The following SCAF4 variants were observed in gnomAD, a reference collection of about 807,000 sequenced individuals.
SCAF4 encodes SR-related and CTD-associated factor 4.
SCAF4 carries 25 observed loss-of-function variants against 129.8 expected under a neutral mutation model. That is an observed-to-expected ratio of 0.19 (90% confidence interval 0.14 to 0.27). SCAF4 has a LOEUF of 0.27. Ranked by LOEUF, SCAF4 falls within the 10% of genes least tolerant of loss-of-function variation. SCAF4 has a pLI of 1.00. For synonymous variants in SCAF4, 551 were observed against 497.7 expected (o/e 1.11, Z -1.43); for missense variants, 1,246 against 1,457.1 (o/e 0.86, Z 2.36).
intron 19 of SCAF4, among the ~76,000 whole-genome samples, chr21:31,674,167 A>T (rs750286532): frequency 1.3e-5 from 2 of 152,190 alleles, no homozygotes; most frequent in African/African-American, 2.4e-5. Flanking sequence ...CTTTGTACAG[A>T]AGAGAGAAAA....
Position 31,678,024 on chromosome 21 carries a change from GTC to G in SCAF4, c.2489-5672_2489-5671del, listed in dbSNP as rs2049902671. ...TAGCTGCCAAATGCTGAAGAATTTTGTCCTCAGACCTCTCACCACTTCTCTAT... is the reference window on the plus strand; with the variant it reads ...TAGCTGCCAAATGCTGAAGAATTTTGCTCAGACCTCTCACCACTTCTCTAT... On this transcript the variant is annotated intron_variant, in intron 19 of 19. Coordinates refer to ENST00000286835, the MANE Select transcript of SCAF4 (RefSeq NM_020706.2). Among the ~76,000 whole-genome samples the G allele has an allele frequency of 1.8e-4, 28 of 152,222 alleles. No individual in the cohort carries two copies. In the South Asian group the frequency reaches 5.6e-3, roughly 30 times the overall value.
intron 19 of SCAF4, among the ~76,000 whole-genome samples, chr21:31,679,144 A>G (rs2049938014): frequency 1.3e-5 from 2 of 152,166 alleles, no homozygotes; most frequent in South Asian, 4.1e-4. Context: ...GAACTTTGAG[A>G]AAGGATGTTT....
Position 31,707,527 on chromosome 21 carries a change from A to C in SCAF4, c.31-1170T>G, listed in dbSNP as rs539062163. Among the ~76,000 whole-genome samples, 413 of 152,348 alleles carry C rather than the reference A, an allele frequency of 2.7e-3. 1 individual carries two copies. Among genetic ancestry groups the C allele is most frequent in the African/African-American group, 9.3e-3 (386 of 41,570 alleles). On this transcript the variant is annotated intron_variant, in intron 1 of 19. Transcript: ENST00000286835. ...AGATAAAATCCTGACATTAAGAAACATATCTACCTTCTTAAATTATTGTTT... is the reference window on the plus strand; with the variant it reads ...AGATAAAATCCTGACATTAAGAAACCTATCTACCTTCTTAAATTATTGTTT...
At chr21:31,731,615 C>A (rs1160619268) in intron 1 of SCAF4, 48 bp downstream of exon 1, 3 of 1,576,076 alleles carry the variant, frequency 1.9e-6, no homozygotes, top group Non-Finnish European at 2.6e-6. Context: ...AAACGAGCCC[C>A]GGCTCCCGCA....
intron 12 of SCAF4, among the ~76,000 whole-genome samples, chr21:31,692,689 G>T (rs963236273): frequency 6.6e-6 from 1 of 152,148 alleles, no homozygotes; most frequent in African/African-American, 2.4e-5. Flanking sequence ...TTTTGTAGAT[G>T]GATCTAAAGA....
intron 1 of SCAF4, among the ~76,000 whole-genome samples, chr21:31,721,062 G>A (rs1424755758): frequency 6.6e-6 from 1 of 152,090 alleles, no homozygotes; most frequent in African/African-American, 2.4e-5. Context: ...ATATATTCAA[G>A]AGTTGTGCAC....
chr21:31,692,243 T>A, intron 13 of SCAF4, 106 bp downstream of exon 13: 1 of 775,764 alleles, frequency 1.3e-6, no homozygotes, highest in African/African-American at 1.7e-5. Flanking sequence ...TCTAGTCACA[T>A]CTATAAACCT....
chr21:31,719,075 G>A (rs539700133), intron 1 of SCAF4, among the ~76,000 whole-genome samples: 1 of 152,308 alleles, frequency 6.6e-6, no homozygotes, highest in Admixed American at 6.5e-5. Flanking sequence ...CAGATCGCCT[G>A]AGGTCAGGAG....
rs373346488 is a variant in SCAF4, at chr21:31,671,438, G to A, written c.3405C>T (p.Pro1135=). The A allele has an allele frequency of 4.3e-6, 7 of 1,613,890 alleles. No homozygotes were observed. Among genetic ancestry groups the A allele is most frequent in the Non-Finnish European group, 5.9e-6 (7 of 1,179,912 alleles). Residue 1135 remains proline (P), a synonymous_variant, in exon 20 of 20, where the codon CCC becomes CCT. Transcript: ENST00000286835. ...CTGCTGCTGAGCCAGAATCCTTTTC[G>A]GGTTCAACGGATGAGGTAGCCTCAG... ...LPAEATSSVE[P]EKDSGSAAEA...
At chr21:31,676,023 G>A (rs1016564043) in intron 19 of SCAF4, among the ~76,000 whole-genome samples, 6 of 152,188 alleles carry the variant, frequency 3.9e-5, no homozygotes, top group African/African-American at 7.2e-5. Context: ...CAGAGTGTAC[G>A]CAGTCAGGGA....
chr21:31,723,895 A>G (rs1648078646), intron 1 of SCAF4, among the ~76,000 whole-genome samples: 1 of 152,040 alleles, frequency 6.6e-6, no homozygotes, highest in Admixed American at 6.5e-5. Context: ...ATGGCCATCC[A>G]CCTTTCACTG....
At position 31,731,652 on chromosome 21, in the gene SCAF4, A is replaced by G; in HGVS notation, c.30+11T>C. ...CAGGCCCGGCACCCCCCTGCCCCAA[A>G]CACCCCTTACCTCCTGGTTGAAGGC... On this transcript the variant is annotated intron_variant, in intron 1 of 19. Coordinates refer to ENST00000286835, the MANE Select transcript of SCAF4 (RefSeq NM_020706.2). The G allele has an allele frequency of 6.3e-7, 1 of 1,589,332 alleles. No individual in the cohort carries two copies. Among genetic ancestry groups the G allele is most frequent in the African/African-American group, 1.4e-5 (1 of 72,282 alleles).
At chr21:31,698,459 T>C (rs1334672230) in intron 7 of SCAF4, among the ~76,000 whole-genome samples, 1 of 152,220 alleles carries the variant, frequency 6.6e-6, no homozygotes, top group Non-Finnish European at 1.5e-5. Flanking sequence ...GACATAGAAA[T>C]GTACAGAGTT....
Position 31,676,944 on chromosome 21 carries a change from C to A in SCAF4, c.2489-4590G>T, listed in dbSNP as rs563180342. Reference sequence around the variant, plus strand: ...TATTAACATTCTGTATAAATGGAATCATAAAATATGTGGTCCTGTGTGACT... The same window carrying A: ...TATTAACATTCTGTATAAATGGAATAATAAAATATGTGGTCCTGTGTGACT... On this transcript the variant is annotated intron_variant, in intron 19 of 19. Coordinates refer to ENST00000286835, the MANE Select transcript of SCAF4 (RefSeq NM_020706.2). Among the ~76,000 whole-genome samples the A allele has an allele frequency of 4.6e-5, 7 of 152,238 alleles. No individual in the cohort carries two copies. The South Asian group carries it at 1.5e-3, about 32-fold the overall frequency.
At chr21:31,693,269 G>A (rs1294655612) in intron 12 of SCAF4, 25 bp downstream of exon 12, 3 of 1,422,452 alleles carry the variant, frequency 2.1e-6, no homozygotes, top group East Asian at 2.5e-5. Flanking sequence ...TAGTACATGA[G>A]GTTTGAATAT....
chr21:31,693,243 C>A, intron 12 of SCAF4, 51 bp downstream of exon 12: 5 of 1,284,424 alleles, frequency 3.9e-6, no homozygotes, highest in South Asian at 2.3e-5. Context: ...CACTTTAAAC[C>A]CAAGACATGA....
At chr21:31,717,902 TATACACAC>T (rs1253377331) in intron 1 of SCAF4, among the ~76,000 whole-genome samples, 1,822 of 95,562 alleles carry the variant, frequency 0.019, 71 homozygotes, top group East Asian at 0.17. Context: ...TATACACATA[TATACACAC>T]ACACACACAC....
In SCAF4 at chr21:31,696,556, A is replaced by T; in HGVS notation, c.959+13T>A. The T allele has an allele frequency of 1.3e-6, 2 of 1,579,336 alleles. No individual in the cohort carries two copies. The highest frequency in any genetic ancestry group is 1.7e-6 in the Non-Finnish European group (2 of 1,164,938). On this transcript the variant is annotated intron_variant, in intron 8 of 19. Coordinates refer to ENST00000286835, the MANE Select transcript of SCAF4 (RefSeq NM_020706.2). ...AATTTTCTATCTGCTGAGGAATAAA[A>T]AAAAAAACTAACAATGGTGCCTGTG... is the stretch of plus-strand genomic sequence containing the variant.
chr21:31,694,736 G>T, intron 10 of SCAF4, 77 bp downstream of exon 10: 1 of 1,391,206 alleles, frequency 7.2e-7, no homozygotes, highest in Non-Finnish European at 1.0e-6. Flanking sequence ...AATGAAGACA[G>T]CAAGCAAATA....
Sources: gnomAD v4.1 joint callset for allele counts (sites outside exome capture counted in the v4.1 genomes callset) on GRCh38, gnomAD v4.1.1 for gene constraint, MANE v1.5 for transcripts, NCBI Gene and HGNC (gene_info 2026-07-23, HGNC 2026-07-21) for gene names.